RBMS2: variants seen among roughly 807,000 people sequenced by gnomAD.
The protein encoded by RBMS2 is RNA binding motif single stranded interacting protein 2.
In RBMS2, 38 loss-of-function variants were observed where a neutral mutation model predicts 58.4. That is an observed-to-expected ratio of 0.65 (90% confidence interval 0.50 to 0.85). The LOEUF (loss-of-function observed/expected upper bound fraction) is 0.85. Ranked by LOEUF, RBMS2 falls within the 40% of genes least tolerant of loss-of-function variation. The pLI, the probability that RBMS2 is intolerant of heterozygous loss-of-function variation, is 0.00. For synonymous variants in RBMS2, 151 were observed against 180.7 expected (o/e 0.84, Z 1.32); for missense variants, 367 against 503.7 (o/e 0.73, Z 2.60).
At chr12:56,560,218 C>T (rs1441865240) in intron 1 of RBMS2, among the ~76,000 whole-genome samples, 1 of 149,114 alleles carries the variant, frequency 6.7e-6, no homozygotes, top group Non-Finnish European at 1.5e-5. Flanking sequence ...TTCTTGACTG[C>T]GTTTTATCTT....
In RBMS2 at chr12:56,560,430, G is replaced by A. The variant is rs148768461; in HGVS notation, c.67-1987G>A. Among the ~76,000 whole-genome samples, 1,112 of 150,954 alleles carry A rather than the reference G, an allele frequency of 7.4e-3. 2 individuals are homozygous for A. The highest frequency in any genetic ancestry group is 0.012 in the Non-Finnish European group (789 of 67,760). On this transcript the variant is annotated intron_variant, in intron 1 of 13. Transcript: ENST00000262031. Reference sequence around the variant, plus strand: ...TGCCACCACACCTGGCTAATTTTTTGTATTTTAATAGACAGGGTTTCACCT... The same window carrying A: ...TGCCACCACACCTGGCTAATTTTTTATATTTTAATAGACAGGGTTTCACCT...
In RBMS2 at chr12:56,522,108, T is replaced by C. The variant is rs371236894; in HGVS notation, c.66+19T>C. On this transcript the variant is annotated intron_variant, in intron 1 of 13. Transcript: ENST00000262031. ...CAAGAAGGTAGGGAAAAGCGCTTTT[T>C]TGGTATCTAGCTACTTCTTTTTCTG... The C allele has an allele frequency of 1.3e-5, 20 of 1,550,406 alleles. No homozygotes were observed. The highest frequency in any genetic ancestry group is 1.8e-5 in the Non-Finnish European group (20 of 1,125,590).
At position 56,533,408 on chromosome 12, in the gene RBMS2, C is replaced by CTTTTTTTTTTTTTTTT. The variant is rs1164155079; in HGVS notation, c.66+11329_66+11344dup. On this transcript the variant is annotated intron_variant, in intron 1 of 13. Transcript: ENST00000262031. ...TGAGCCGCGGCACCCAGCCCTATTA[C>CTTTTTTTTTTTTTTTT]TTTTTTTTTTTTTTTTTTTTTTTTT... Among the ~76,000 whole-genome samples, 3 of 65,304 alleles carry CTTTTTTTTTTTTTTTT rather than the reference C, an allele frequency of 4.6e-5. 1 individual carries two copies. Among genetic ancestry groups the CTTTTTTTTTTTTTTTT allele is most frequent in the African/African-American group, 6.7e-5 (1 of 14,938 alleles). 42.8% of individuals were successfully genotyped at this position (65,304 alleles called of 152,430 possible). A position where few individuals can be genotyped will look rare whatever the true frequency, so the allele number is the denominator to read the frequency against.
intron 5 of RBMS2, among the ~76,000 whole-genome samples, chr12:56,574,042 G>T (rs1882766044): frequency 6.6e-6 from 1 of 152,026 alleles, no homozygotes; most frequent in African/African-American, 2.4e-5. Flanking sequence ...GGTTTCACCA[G>T]GTTGTCCAGG....
chr12:56,537,254 T>G (rs1357345269), intron 1 of RBMS2, among the ~76,000 whole-genome samples: 1 of 152,160 alleles, frequency 6.6e-6, no homozygotes, highest in Non-Finnish European at 1.5e-5. Context: ...TACAGTTTAG[T>G]AGCATTAAGT....
rs973962071 is a variant in RBMS2 at position 56,589,513 on chromosome 12, T to G, written c.*380T>G. ...AAAGTTTTCGATGTATTGGAATTAT[T>G]TGGGAATGCTTTTAAAACAATTTGT... is the stretch of plus-strand genomic sequence containing the variant. On this transcript the variant is annotated 3_prime_UTR_variant, in exon 14 of 14. Transcript: ENST00000262031. 6 of 234,234 alleles carry G rather than the reference T, an allele frequency of 2.6e-5. No homozygotes were observed. Among genetic ancestry groups the G allele is most frequent in the Admixed American group, 5.3e-5 (1 of 18,748 alleles). The allele number at this position is 234,234 out of a possible 1,614,324, so 14.5% of individuals were successfully genotyped here.
At chr12:56,534,601 T>C (rs906073750) in intron 1 of RBMS2, among the ~76,000 whole-genome samples, 14 of 152,162 alleles carry the variant, frequency 9.2e-5, no homozygotes, top group African/African-American at 2.4e-4. Context: ...AACTGCTTTT[T>C]TGAAAGTCTG....
intron 1 of RBMS2, among the ~76,000 whole-genome samples, chr12:56,543,645 A>G (rs1290437364): frequency 6.7e-6 from 1 of 149,368 alleles, no homozygotes; most frequent in African/African-American, 2.5e-5. Context: ...GAGCCACCAC[A>G]CCTGGCCTAG....
In RBMS2 at chr12:56,564,301, G is replaced by A. The variant is rs146434251; in HGVS notation, c.233+1718G>A. 1.4e-4 allele frequency among the ~76,000 whole-genome samples: 21 copies of A among 152,128 alleles called. No homozygotes were observed. In the East Asian group the frequency reaches 4.1e-3, roughly 29 times the overall value. On this transcript the variant is annotated intron_variant, in intron 2 of 13. Coordinates refer to ENST00000262031, the MANE Select transcript of RBMS2 (RefSeq NM_002898.4). ...ATATATTCGTTCCTCAGTATCTGGG[G>A]GGGATTTGTTCCAGGACCTCCTCTG...
At chr12:56,537,001 A>G (rs140012471) in intron 1 of RBMS2, among the ~76,000 whole-genome samples, 2,125 of 151,060 alleles carry the variant, frequency 0.014, 51 homozygotes, top group African/African-American at 0.049. Flanking sequence ...GCTCACTGCA[A>G]CCTCCGCCTC....
chr12:56,542,486 T>A (rs1396395346), intron 1 of RBMS2, among the ~76,000 whole-genome samples: 2 of 149,766 alleles, frequency 1.3e-5, no homozygotes, highest in Non-Finnish European at 3.0e-5. Context: ...TTTTTAAAAA[T>A]GGGGCTTATA....
At chr12:56,546,210 C>T (rs927116898) in intron 1 of RBMS2, among the ~76,000 whole-genome samples, 10 of 150,700 alleles carry the variant, frequency 6.6e-5, no homozygotes, top group African/African-American at 1.9e-4. Context: ...CTCCACCTCC[C>T]GGGTTCACGC....
At chr12:56,581,585 G>T in intron 7 of RBMS2, 77 bp downstream of exon 7, 1 of 1,436,878 alleles carries the variant, frequency 7.0e-7, no homozygotes, top group Admixed American at 1.8e-5. Context: ...TGATTTCTGT[G>T]AGCTTAGGTG....
intron 2 of RBMS2, among the ~76,000 whole-genome samples, chr12:56,563,114 T>A (rs369847257): frequency 6.6e-6 from 1 of 151,946 alleles, no homozygotes. Flanking sequence ...TAGAGTGAGA[T>A]TCCATCTCAA....
chr12:56,564,193 G>A (rs1206348988), intron 2 of RBMS2, among the ~76,000 whole-genome samples: 1 of 150,360 alleles, frequency 6.7e-6, no homozygotes, highest in Non-Finnish European at 1.5e-5. Flanking sequence ...CAGGTGATCT[G>A]CCCACTTCGG....
At chr12:56,560,051 C>T (rs548683105) in intron 1 of RBMS2, among the ~76,000 whole-genome samples, 3 of 151,464 alleles carry the variant, frequency 2.0e-5, no homozygotes, top group Non-Finnish European at 2.9e-5. Context: ...TGTGCCACCA[C>T]GCCTGACTAA....
chr12:56,546,833 G>A (rs961809623), intron 1 of RBMS2, among the ~76,000 whole-genome samples: 9 of 152,256 alleles, frequency 5.9e-5, no homozygotes, highest in African/African-American at 1.9e-4. Flanking sequence ...AGGTCACATG[G>A]TAACTTTATG....
intron 1 of RBMS2, among the ~76,000 whole-genome samples, chr12:56,557,837 C>A (rs1248872395): frequency 6.7e-6 from 1 of 148,752 alleles, no homozygotes; most frequent in Non-Finnish European, 1.5e-5. Flanking sequence ...CTCCCAGGTT[C>A]AAGCGATTCT....
chr12:56,551,136 A>G (rs1197917668), intron 1 of RBMS2, among the ~76,000 whole-genome samples: 1 of 151,816 alleles, frequency 6.6e-6, no homozygotes, highest in Non-Finnish European at 1.5e-5. Context: ...AAAAAAAGAA[A>G]AAAAAAAGGG....
Sources: gnomAD v4.1 joint callset for allele counts (sites outside exome capture counted in the v4.1 genomes callset) on GRCh38, gnomAD v4.1.1 for gene constraint, MANE v1.5 for transcripts, NCBI Gene and HGNC (gene_info 2026-07-23, HGNC 2026-07-21) for gene names.